The following NKAIN2 variants were observed in gnomAD, a reference collection of about 807,000 sequenced individuals.
NKAIN2 encodes the protein sodium/potassium-transporting ATPase subunit beta-1-interacting protein 2.
NKAIN2 carries 14 observed loss-of-function variants against 32.6 expected under a neutral mutation model. The observed-to-expected ratio is 0.43, with a 90% CI of 0.28 to 0.67. The LOEUF (loss-of-function observed/expected upper bound fraction) is 0.67. NKAIN2 is among the 30% of genes least tolerant of loss of function. The pLI is 0.17. For missense variants in NKAIN2, 198 were observed against 258.3 expected, an observed-to-expected ratio of 0.77 and a Z score of 1.60; for synonymous variants, 80 against 87.2, an observed-to-expected ratio of 0.92 and a Z score of 0.46.
intron 3 of NKAIN2, among the ~76,000 whole-genome samples, chr6:124,421,068 C>G (rs1052650826): frequency 1.3e-5 from 1 of 76,360 alleles, no homozygotes; most frequent in Non-Finnish European, 2.6e-5. Flanking sequence ...CTGGCACTGT[C>G]AAAATTAAAA....
intron 3 of NKAIN2, among the ~76,000 whole-genome samples, chr6:124,598,921 C>G (rs1199307100): frequency 1.3e-5 from 2 of 151,856 alleles, no homozygotes; most frequent in African/African-American, 2.4e-5. Context: ...CCTACCTCAT[C>G]TTTTGTTCAG....
chr6:124,222,162 C>G (rs1791868336), intron 1 of NKAIN2, among the ~76,000 whole-genome samples: 1 of 151,968 alleles, frequency 6.6e-6, no homozygotes, highest in Non-Finnish European at 1.5e-5. Context: ...TATGATGTAA[C>G]AGGAAAAAGC....
At chr6:124,026,491 C>T (rs1215863015) in intron 1 of NKAIN2, among the ~76,000 whole-genome samples, 1 of 152,164 alleles carries the variant, frequency 6.6e-6, no homozygotes, top group Non-Finnish European at 1.5e-5. Context: ...TAGCTAGTAT[C>T]CTCAATATGC....
chr6:124,181,708 A>G (rs893486431), intron 1 of NKAIN2, among the ~76,000 whole-genome samples: 2 of 152,148 alleles, frequency 1.3e-5, no homozygotes, highest in African/African-American at 4.8e-5. Flanking sequence ...GCTAAACCAT[A>G]GAAAGTGTGA....
At chr6:124,416,109 A>G (rs764722023) in intron 3 of NKAIN2, among the ~76,000 whole-genome samples, 2 of 152,102 alleles carry the variant, frequency 1.3e-5, no homozygotes, top group Non-Finnish European at 1.5e-5. Flanking sequence ...ACCTCTGGAC[A>G]TAATACAAAC....
At chr6:124,808,497 G>A (rs2114852099) in intron 5 of NKAIN2, among the ~76,000 whole-genome samples, 1 of 152,262 alleles carries the variant, frequency 6.6e-6, no homozygotes, top group Non-Finnish European at 1.5e-5. Context: ...AATAATAGGA[G>A]CTATCTATGA....
intron 1 of NKAIN2, among the ~76,000 whole-genome samples, chr6:123,952,454 C>T (rs1020046850): frequency 3.9e-5 from 6 of 152,054 alleles, no homozygotes; most frequent in African/African-American, 1.2e-4. Context: ...AAGTTTACAA[C>T]GATTTTATTA....
chr6:123,817,030 TGAGAGTTTGGG>T (rs1773722030), intron 1 of NKAIN2, among the ~76,000 whole-genome samples: 1 of 151,882 alleles, frequency 6.6e-6, no homozygotes, highest in South Asian at 2.1e-4. Flanking sequence ...TATATACTGG[TGAGAGTTTGGG>T]GAGAGTTTGG....
chr6:123,819,539 G>A (rs897256166), intron 1 of NKAIN2, among the ~76,000 whole-genome samples: 6 of 152,054 alleles, frequency 3.9e-5, no homozygotes, highest in Admixed American at 2.6e-4. Flanking sequence ...TTTTCCAATC[G>A]TCTAATTAGA....
chr6:124,413,851 T>C (rs1044061878), intron 3 of NKAIN2, among the ~76,000 whole-genome samples: 8 of 152,194 alleles, frequency 5.3e-5, no homozygotes, highest in Non-Finnish European at 1.2e-4. Flanking sequence ...TAATATATAG[T>C]AATTCAGCTG....
intron 3 of NKAIN2, among the ~76,000 whole-genome samples, chr6:124,541,242 G>A (rs754155264): frequency 2.0e-5 from 3 of 152,150 alleles, no homozygotes; most frequent in Non-Finnish European, 4.4e-5. Flanking sequence ...GTGGGGAACT[G>A]TGCAATATTT....
In NKAIN2 at chr6:123,804,146, G is replaced by A. The variant is rs1773114331; in HGVS notation, c.-55G>A. The A allele has an allele frequency of 6.6e-7, 1 of 1,518,054 alleles. No individual in the cohort carries two copies. The highest frequency in any genetic ancestry group is 1.1e-5 in the South Asian group (1 of 89,198). 94.0% of individuals were successfully genotyped at this position (1,518,054 alleles called of 1,614,324 possible). A position where few individuals can be genotyped will look rare whatever the true frequency, so the allele number is the denominator to read the frequency against. ...CCGCGATCTGATTGGATAAAGTGGG[G>A]GCTCGACGGTGGCCGACGTGGGACA... On this transcript the variant is annotated 5_prime_UTR_variant, in exon 1 of 7. Transcript: ENST00000368417.
At chr6:124,561,540 A>G (rs1052772458) in intron 3 of NKAIN2, among the ~76,000 whole-genome samples, 1 of 152,152 alleles carries the variant, frequency 6.6e-6, no homozygotes, top group Non-Finnish European at 1.5e-5. Flanking sequence ...CACCACCTCA[A>G]TTCTTCATAT....
At chr6:123,928,913 C>A (rs1184368024) in intron 1 of NKAIN2, among the ~76,000 whole-genome samples, 1 of 152,060 alleles carries the variant, frequency 6.6e-6, no homozygotes, top group East Asian at 1.9e-4. Flanking sequence ...CAATAGAATT[C>A]TGTACAGTTA....
At chr6:124,149,665 T>C (rs536594606) in intron 1 of NKAIN2, among the ~76,000 whole-genome samples, 3 of 152,218 alleles carry the variant, frequency 2.0e-5, no homozygotes, top group South Asian at 2.1e-4. Flanking sequence ...CAGTACCACA[T>C]GATTGTAATG....
At chr6:124,097,424 ATTAAC>A (rs1784693140) in intron 1 of NKAIN2, among the ~76,000 whole-genome samples, 1 of 150,404 alleles carries the variant, frequency 6.6e-6, no homozygotes, top group Non-Finnish European at 1.5e-5. Flanking sequence ...AAAAAAAGTA[ATTAAC>A]TTAGAGGCAA....
intron 1 of NKAIN2, among the ~76,000 whole-genome samples, chr6:124,025,769 A>G (rs534594404): frequency 8.3e-4 from 126 of 152,336 alleles, no homozygotes; most frequent in African/African-American, 2.8e-3. Context: ...TGTACACTGT[A>G]AATAAAAAAC....
At chr6:124,513,162 TTAAAC>T (rs1182395164) in intron 3 of NKAIN2, among the ~76,000 whole-genome samples, 3 of 152,162 alleles carry the variant, frequency 2.0e-5, no homozygotes, top group Non-Finnish European at 4.4e-5. Flanking sequence ...ATGAAAAACA[TTAAAC>T]TAAAATAATG....
intron 2 of NKAIN2, among the ~76,000 whole-genome samples, chr6:124,351,969 TCATAATAAAATGA>T (rs1376832843): frequency 2.0e-5 from 3 of 152,176 alleles, no homozygotes; most frequent in Non-Finnish European, 4.4e-5. Flanking sequence ...GACATAATCA[TCATAATAAAATGA>T]CAACATATAG....
Sources: allele counts gnomAD v4.1 joint callset (sites outside exome capture counted in the v4.1 genomes callset), GRCh38; gene constraint gnomAD v4.1.1; transcripts MANE v1.5; gene names NCBI Gene and HGNC (gene_info 2026-07-23, HGNC 2026-07-21).